CYP4F11: variants seen among roughly 807,000 people sequenced by gnomAD.
The protein encoded by CYP4F11 is cytochrome P450 4F11.
Under a neutral mutation model 62.2 loss-of-function variants are expected in CYP4F11, and 79 were observed. The observed-to-expected ratio is 1.27, with a 90% confidence interval of 1.06 to 1.53. The LOEUF (loss-of-function observed/expected upper bound fraction) is 1.53. Ranked by LOEUF, CYP4F11 falls within the 40% of genes most tolerant of loss-of-function variation. The pLI, the probability that CYP4F11 is intolerant of heterozygous loss-of-function variation, is 0.00. For synonymous variants in CYP4F11, 290 were observed against 263.7 expected, an observed-to-expected ratio of 1.10 and a Z score of -0.97; for missense variants, 777 against 680.5, an observed-to-expected ratio of 1.14 and a Z score of -1.58.
In CYP4F11 at chr19:15,913,535, A is replaced by G. The variant is rs2089554247; in HGVS notation, c.*197T>C. ...CTGGGAGAACCCACTAAGGGCCTAG[A>G]TGCCCTGTGCTCAGCCAGAGAGGCC... On this transcript the variant is annotated 3_prime_UTR_variant, in exon 12 of 12. Coordinates refer to ENST00000402119, the MANE Select transcript of CYP4F11 (RefSeq NM_021187.4). 3.1e-6 allele frequency: 2 copies of G among 648,246 alleles called. No homozygotes were observed. Among genetic ancestry groups the G allele is most frequent in the Admixed American group, 5.7e-5 (2 of 35,000 alleles). 40.2% of individuals were successfully genotyped at this position (648,246 alleles called of 1,614,324 possible). A position where few individuals can be genotyped will look rare whatever the true frequency, so the allele number is the denominator to read the frequency against.
intron 4 of CYP4F11, among the ~76,000 whole-genome samples, chr19:15,925,194 G>A (rs2089659579): frequency 6.6e-6 from 1 of 152,116 alleles, no homozygotes; most frequent in African/African-American, 2.4e-5. Context: ...AGGACAACAT[G>A]CTTTGGGGCC....
intron 8 of CYP4F11, 135 bp downstream of exon 8, chr19:15,921,902 C>T (rs2089632111): frequency 1.7e-6 from 2 of 1,172,086 alleles, no homozygotes; most frequent in Non-Finnish European, 2.3e-6. Flanking sequence ...GTGTATTAAG[C>T]CCTGCCTCTG....
At chr19:15,914,953 C>G (rs2089572415) in intron 8 of CYP4F11, 58 bp from the exon 9 acceptor site, 1 of 1,589,796 alleles carries the variant, frequency 6.3e-7, no homozygotes, top group Admixed American at 1.8e-5. Flanking sequence ...AATTCTCCAG[C>G]TTCTCTGTTT....
chr19:15,919,073 C>T (rs1870089), intron 8 of CYP4F11, among the ~76,000 whole-genome samples: 120,669 of 149,276 alleles, frequency 0.81, 49,000 homozygotes, highest in East Asian at 0.99. Context: ...TGGAAATATA[C>T]ACATTTCATT....
rs758775451 is a variant in CYP4F11 at position 15,914,584 on chromosome 19, G to T, written c.1314+18C>A. ...CTTGGAATGGACTCCAAAAAGGGTG[G>T]GGTGAGGGAGGCACTACCTCAGGGT... On this transcript the variant is annotated intron_variant, in intron 10 of 11. Transcript: ENST00000402119. The T allele has an allele frequency of 1.3e-5, 21 of 1,613,806 alleles. No individual in the cohort carries two copies. Among genetic ancestry groups the T allele is most frequent in the Non-Finnish European group, 1.8e-5 (21 of 1,179,822 alleles).
chr19:15,929,808 TG>T (rs1420926167), intron 1 of CYP4F11, among the ~76,000 whole-genome samples: 1 of 152,090 alleles, frequency 6.6e-6, no homozygotes, highest in Non-Finnish European at 1.5e-5. Context: ...ACCTCCCCAG[TG>T]GGGGTGGGTG....
At chr19:15,919,273 ATATTTCAT>A in intron 8 of CYP4F11, among the ~76,000 whole-genome samples, 1 of 148,474 alleles carries the variant, frequency 6.7e-6, no homozygotes, top group Middle Eastern at 3.6e-3. Context: ...AAATATGTAT[ATATTTCAT>A]TGACTCCTAT....
At chr19:15,924,391 G>A (rs1394004446) in intron 5 of CYP4F11, among the ~76,000 whole-genome samples, 1 of 152,062 alleles carries the variant, frequency 6.6e-6, no homozygotes. Context: ...TTCTGACCCA[G>A]CCCCCACCAT....
intron 7 of CYP4F11, 28 bp downstream of exon 7, chr19:15,922,336 C>T (rs1405565048): frequency 6.2e-7 from 1 of 1,613,756 alleles, no homozygotes; most frequent in Admixed American, 1.7e-5. Context: ...CCCCTGTCCC[C>T]ACCGTAGTCC....
At chr19:15,926,725 C>A (rs117021546) in intron 4 of CYP4F11, among the ~76,000 whole-genome samples, 1 of 152,228 alleles carries the variant, frequency 6.6e-6, no homozygotes, top group East Asian at 1.9e-4. Flanking sequence ...CCCAGGTCAG[C>A]CTAAAGCTAG....
rs2089565306 is a variant in CYP4F11, at chr19:15,914,396, G to A, written c.1315-9C>T. On this transcript the variant is annotated splice_polypyrimidine_tract_variant and intron_variant, in intron 10 of 11. Transcript: ENST00000402119. ...CGGAAGGGGTCGTAGACCTGCAGGT[G>A]AGACCAAGAAGGCTTGCTGGGTGGG... The A allele has an allele frequency of 6.2e-7, 1 of 1,612,882 alleles. No individual in the cohort carries two copies. The highest frequency in any genetic ancestry group is 8.5e-7 in the Non-Finnish European group (1 of 1,179,278).
rs867103544 is a variant in CYP4F11, at chr19:15,920,403, T to C, written c.1115+1634A>G. ...ATTTTCTAGGACACACAGAAAACCA[T>C]TGATGATGGAAACTGCCAGAGTGAG... On this transcript the variant is annotated intron_variant, in intron 8 of 11. Coordinates refer to ENST00000402119, the MANE Select transcript of CYP4F11 (RefSeq NM_021187.4). Among the ~76,000 whole-genome samples the C allele has an allele frequency of 2.6e-5, 4 of 152,186 alleles. No homozygotes were observed. In the South Asian group the frequency reaches 8.3e-4, roughly 32 times the overall value.
rs760473765 is a variant in CYP4F11, at chr19:15,927,211, C to G, written c.525+1G>C. The stretch of plus-strand genomic sequence containing the variant: ...TGGGACCCAGAGTTCAAGGGACTCA[C>G]GTGCATGATGTTCACACTCTTGTTG... On this transcript the variant is annotated splice_donor_variant, in intron 4 of 11. Coordinates refer to ENST00000402119, the MANE Select transcript of CYP4F11 (RefSeq NM_021187.4). LOFTEE classifies it high-confidence loss of function. 13 of 1,613,518 alleles carry G rather than the reference C, an allele frequency of 8.1e-6. No homozygotes were observed. Among genetic ancestry groups the G allele is most frequent in the Non-Finnish European group, 1.1e-5 (13 of 1,179,602 alleles).
rs2089760485 is a variant in CYP4F11 at position 15,934,370 on chromosome 19, GGGCCCGA to G, written c.32_38del (p.Leu11ProfsTer62). Reference sequence around the variant, plus strand: ...GAAGCAGCCACGGGGATGCTGCCACGGGCCCGAGGCCCAGCCAGGACAGGCTCAGCTG... The same window carrying G: ...GAAGCAGCCACGGGGATGCTGCCACGGGCCCAGCCAGGACAGGCTCAGCTG... On this transcript the variant is annotated frameshift_variant, in exon 1 of 12. Transcript: ENST00000402119. LOFTEE classifies it high-confidence loss of function. The G allele has an allele frequency of 6.2e-7, 1 of 1,613,198 alleles. No homozygotes were observed. The highest frequency in any genetic ancestry group is 8.5e-7 in the Non-Finnish European group (1 of 1,179,660).
chr19:15,913,660 G>C lies in CYP4F11; in HGVS notation c.*72C>G. On this transcript the variant is annotated 3_prime_UTR_variant, in exon 12 of 12. Coordinates refer to ENST00000402119, the MANE Select transcript of CYP4F11 (RefSeq NM_021187.4). ...CAGGAGCCCCATGCTGGCTGTCAAC[G>C]AGGCTCAAGCAGAGGTGTCAGCATA... 1 of 1,584,598 alleles carries C rather than the reference G, an allele frequency of 6.3e-7. No individual in the cohort carries two copies. The highest frequency in any genetic ancestry group is 8.6e-7 in the Non-Finnish European group (1 of 1,158,042).
Position 15,930,298 on chromosome 19 carries a change from C to T in CYP4F11, c.199-697G>A, listed in dbSNP as rs373134850. ...TCTCTCTTGGGGCTGTCTCCAAGAT[C>T]CAAAGATAATGGCCGGGCGTGGTGG... On this transcript the variant is annotated intron_variant, in intron 1 of 11. Transcript: ENST00000402119. Among the ~76,000 whole-genome samples, 10 of 152,250 alleles carry T rather than the reference C, an allele frequency of 6.6e-5. No homozygotes were observed. The East Asian group carries it at 1.4e-3, about 21-fold the overall frequency.
At chr19:15,921,609 C>T (rs1448280420) in intron 8 of CYP4F11, among the ~76,000 whole-genome samples, 2 of 152,180 alleles carry the variant, frequency 1.3e-5, no homozygotes, top group African/African-American at 4.8e-5. Flanking sequence ...GATGGATGAA[C>T]AATGCAGGTG....
chr19:15,919,452 A>T, intron 8 of CYP4F11, among the ~76,000 whole-genome samples: 1 of 150,840 alleles, frequency 6.6e-6, no homozygotes, highest in East Asian at 2.0e-4. Context: ...GGATGGATGG[A>T]TGAACGGATG....
At chr19:15,931,640 GCGAGGAGAGGAA>G (rs1260272760) in intron 1 of CYP4F11, among the ~76,000 whole-genome samples, 22 of 67,884 alleles carry the variant, frequency 3.2e-4, no homozygotes, top group South Asian at 1.1e-3. Context: ...GAATGAGTGA[GCGAGGAGAGGAA>G]TGAGTGAGCG....
Sources: gnomAD v4.1 joint callset for allele counts (sites outside exome capture counted in the v4.1 genomes callset) on GRCh38, gnomAD v4.1.1 for gene constraint, MANE v1.5 for transcripts, NCBI Gene and HGNC (gene_info 2026-07-23, HGNC 2026-07-21) for gene names.